LYPLA1: variants seen among roughly 807,000 people sequenced by gnomAD.
LYPLA1 encodes acyl-protein thioesterase 1.
A neutral mutation model predicts 34.0 loss-of-function variants in LYPLA1; 17 were observed. The observed-to-expected ratio is 0.50, with a 90% CI of 0.34 to 0.75. LYPLA1 has a LOEUF of 0.75. Among genes scored for constraint, LYPLA1 ranks in the 30% least tolerant of loss-of-function variants. The pLI, the probability that LYPLA1 is intolerant of heterozygous loss-of-function variation, is 0.01. For missense variants in LYPLA1, 203 were observed against 288.8 expected (o/e 0.70, Z 2.15); for synonymous variants, 98 against 100.8 (o/e 0.97, Z 0.17).
chr8:54,077,524 G>A (rs555278851), intron 2 of LYPLA1, among the ~76,000 whole-genome samples: 3 of 152,260 alleles, frequency 2.0e-5, no homozygotes, highest in Admixed American at 6.5e-5. Context: ...GTCTGGGCAC[G>A]GTGGCTCACG....
At chr8:54,070,255 C>T (rs760464231) in intron 2 of LYPLA1, among the ~76,000 whole-genome samples, 1 of 152,152 alleles carries the variant, frequency 6.6e-6, no homozygotes, top group East Asian at 1.9e-4. Flanking sequence ...GCGGAAGTTG[C>T]GGTGAGCCGA....
intron 2 of LYPLA1, among the ~76,000 whole-genome samples, chr8:54,080,815 T>C (rs966455911): frequency 2.0e-5 from 3 of 152,250 alleles, no homozygotes; most frequent in Non-Finnish European, 2.9e-5. Flanking sequence ...CTCAAACTCC[T>C]GACCTCAAGT....
At chr8:54,079,821 A>AAATT (rs940731730) in intron 2 of LYPLA1, among the ~76,000 whole-genome samples, 18 of 151,870 alleles carry the variant, frequency 1.2e-4, no homozygotes, top group Non-Finnish European at 1.5e-5. Flanking sequence ...ATAAATAAAT[A>AAATT]AATAAAATTT....
intron 3 of LYPLA1, among the ~76,000 whole-genome samples, chr8:54,064,289 C>T (rs1806883513): frequency 6.6e-6 from 1 of 151,974 alleles, no homozygotes; most frequent in African/African-American, 2.4e-5. Flanking sequence ...TGGTGGCAGG[C>T]GCCTGTAATT....
chr8:54,087,412 C>T lies in LYPLA1; in HGVS notation c.101+13496G>A, dbSNP rs377518790. On this transcript the variant is annotated intron_variant, in intron 2 of 8. Coordinates refer to ENST00000316963, the MANE Select transcript of LYPLA1 (RefSeq NM_006330.4). ...ACCCGGGAAGCCGAGGCAGAAGAATCGCTGGAACCCAGGGGAGGCAGAGAC... is the reference window on the plus strand; with the variant it reads ...ACCCGGGAAGCCGAGGCAGAAGAATTGCTGGAACCCAGGGGAGGCAGAGAC... 4.4e-4 allele frequency among the ~76,000 whole-genome samples: 67 copies of T among 152,208 alleles called. No homozygotes were observed. In the South Asian group the frequency reaches 0.012, roughly 27 times the overall value.
intron 2 of LYPLA1, among the ~76,000 whole-genome samples, chr8:54,094,164 C>T (rs1345322656): frequency 6.6e-6 from 1 of 152,152 alleles, no homozygotes; most frequent in East Asian, 1.9e-4. Context: ...TTTATAATCT[C>T]CTTGGTCTAG....
In LYPLA1 at chr8:54,047,944, T is replaced by C. The variant is rs1805581572; in HGVS notation, c.*121A>G. 4.7e-6 allele frequency: 3 copies of C among 633,514 alleles called. No homozygotes were observed. Among genetic ancestry groups the C allele is most frequent in the Admixed American group, 5.4e-5 (2 of 36,990 alleles). 39.2% of individuals were successfully genotyped at this position (633,514 alleles called of 1,614,324 possible). On this transcript the variant is annotated 3_prime_UTR_variant, in exon 9 of 9. Coordinates refer to ENST00000316963, the MANE Select transcript of LYPLA1 (RefSeq NM_006330.4). Reference sequence around the variant, plus strand: ...TATTATTTGATCTGTGTTATTGGCATGTATTTGCAAAACATTTTAACACTG... The same window carrying C: ...TATTATTTGATCTGTGTTATTGGCACGTATTTGCAAAACATTTTAACACTG...
intron 3 of LYPLA1, among the ~76,000 whole-genome samples, chr8:54,064,189 C>T (rs935471401): frequency 2.0e-4 from 31 of 152,142 alleles, no homozygotes; most frequent in Non-Finnish European, 4.1e-4. Flanking sequence ...CCGAGGCGGG[C>T]GGATCACCTG....
chr8:54,101,645 G>T, intron 1 of LYPLA1, 110 bp downstream of exon 1: 1 of 1,155,868 alleles, frequency 8.7e-7, no homozygotes, highest in Non-Finnish European at 1.1e-6. Context: ...GCCGGGAGGA[G>T]CGTCCTCGTC....
chr8:54,100,259 G>A (rs1810016913), intron 2 of LYPLA1: 1 of 152,314 alleles, frequency 6.6e-6, no homozygotes, highest in African/African-American at 2.4e-5. Context: ...TGAGGCTGAA[G>A]GATCACTTGA....
intron 8 of LYPLA1, among the ~76,000 whole-genome samples, chr8:54,050,438 T>C (rs1386299363): frequency 6.6e-6 from 1 of 152,210 alleles, no homozygotes; most frequent in African/African-American, 2.4e-5. Flanking sequence ...AGAGTAAGTC[T>C]AGTAAGTCCC....
chr8:54,084,137 A>ATATATATATATATATATATATAT (rs1563642470), intron 2 of LYPLA1, among the ~76,000 whole-genome samples: 5 of 120,148 alleles, frequency 4.2e-5, no homozygotes, highest in African/African-American at 2.3e-4. Flanking sequence ...AAAAAAAATA[A>ATATATATATATATATATATATAT]ATAAATATAT....
intron 6 of LYPLA1, 171 bp downstream of exon 6, chr8:54,054,889 A>C: frequency 1.7e-6 from 1 of 576,090 alleles, no homozygotes; most frequent in East Asian, 3.0e-5. Context: ...AGTTCTTTCA[A>C]GAAGAAATTA....
chr8:54,043,914 G>C (rs924568566), downstream of LYPLA1, among the ~76,000 whole-genome samples: 1 of 151,664 alleles, frequency 6.6e-6, no homozygotes, highest in Non-Finnish European at 1.5e-5. Flanking sequence ...CCGCTTTTTT[G>C]AGACAGTCTT....
At chr8:54,090,897 C>G (rs962490101) in intron 2 of LYPLA1, among the ~76,000 whole-genome samples, 3 of 152,280 alleles carry the variant, frequency 2.0e-5, no homozygotes, top group East Asian at 3.9e-4. Flanking sequence ...CCTCCCCCTT[C>G]GCTCAGCTCT....
chr8:54,083,421 T>G (rs1808454886), intron 2 of LYPLA1, among the ~76,000 whole-genome samples: 1 of 152,360 alleles, frequency 6.6e-6, no homozygotes. Context: ...AGTTCCCAAC[T>G]TATAATGGCT....
intron 2 of LYPLA1, among the ~76,000 whole-genome samples, chr8:54,091,023 C>T (rs1435812002): frequency 3.3e-5 from 5 of 152,122 alleles, no homozygotes; most frequent in African/African-American, 4.8e-5. Flanking sequence ...TACCCAGTTT[C>T]GGTAATTATT....
At chr8:54,093,243 C>A (rs1397359182) in intron 2 of LYPLA1, among the ~76,000 whole-genome samples, 1 of 152,082 alleles carries the variant, frequency 6.6e-6, no homozygotes, top group Non-Finnish European at 1.5e-5. Flanking sequence ...AACAGTGTTC[C>A]CCCCAAATTC....
intron 5 of LYPLA1, 34 bp downstream of exon 5, chr8:54,062,220 C>T (rs770889200): frequency 7.1e-7 from 1 of 1,400,676 alleles, no homozygotes; most frequent in Non-Finnish European, 1.0e-6. Context: ...CATTTAAGAA[C>T]ACTTTTGGCT....
Sources: allele counts gnomAD v4.1 joint callset (sites outside exome capture counted in the v4.1 genomes callset), GRCh38; gene constraint gnomAD v4.1.1; transcripts MANE v1.5; gene names NCBI Gene and HGNC (gene_info 2026-07-23, HGNC 2026-07-21).